Variants in KIAA0825 observed in about 807,000 individuals in gnomAD.
KIAA0825 encodes uncharacterized protein KIAA0825.
In KIAA0825, 119 loss-of-function variants were observed where a neutral mutation model predicts 147.6. The observed-to-expected ratio is 0.81, with a 90% CI of 0.69 to 0.94. The LOEUF (loss-of-function observed/expected upper bound fraction) is 0.94, where lower values mean the gene tolerates loss of function less well. Among genes scored for constraint, KIAA0825 ranks in the 40% least tolerant of loss-of-function variants. The pLI, the probability that KIAA0825 is intolerant of heterozygous loss-of-function variation, is 0.00. For missense variants in KIAA0825, 1,381 were observed against 1,472.7 expected, an observed-to-expected ratio of 0.94 and a Z score of 1.02; for synonymous variants, 470 against 518.1, an observed-to-expected ratio of 0.91 and a Z score of 1.26.
chr5:94,371,377 C>T (rs934783676), intron 20 of KIAA0825, among the ~76,000 whole-genome samples: 3 of 152,082 alleles, frequency 2.0e-5, no homozygotes, highest in South Asian at 2.1e-4. Context: ...TCCATTCTTA[C>T]GCTGCTATAG....
intron 5 of KIAA0825, among the ~76,000 whole-genome samples, chr5:94,505,722 A>G (rs1165850177): frequency 6.6e-6 from 1 of 152,236 alleles, no homozygotes; most frequent in Non-Finnish European, 1.5e-5. Context: ...GGTCAAATTA[A>G]TGATAAAGAT....
intron 20 of KIAA0825, among the ~76,000 whole-genome samples, chr5:94,369,749 T>G (rs1314485987): frequency 2.6e-5 from 4 of 152,186 alleles, no homozygotes; most frequent in Non-Finnish European, 5.9e-5. Context: ...AAGACTCGTA[T>G]ATAGACACGA....
chr5:94,589,401 C>T (rs1783934486), intron 1 of KIAA0825, among the ~76,000 whole-genome samples: 1 of 152,144 alleles, frequency 6.6e-6, no homozygotes, highest in African/African-American at 2.4e-5. Context: ...ATTGCCTTTC[C>T]ATATAATTTT....
intron 20 of KIAA0825, among the ~76,000 whole-genome samples, chr5:94,210,857 T>A (rs1772645998): frequency 6.6e-6 from 1 of 152,214 alleles, no homozygotes; most frequent in Non-Finnish European, 1.5e-5. Context: ...TGGAGTATAA[T>A]GACACGAGGC....
At chr5:94,281,948 T>C (rs1777488941) in intron 20 of KIAA0825, among the ~76,000 whole-genome samples, 1 of 152,126 alleles carries the variant, frequency 6.6e-6, no homozygotes, top group Admixed American at 6.6e-5. Context: ...TAATCAAGTA[T>C]TCCGCCAAGA....
At chr5:94,504,751 T>C (rs974084032) in intron 5 of KIAA0825, among the ~76,000 whole-genome samples, 19 of 128,594 alleles carry the variant, frequency 1.5e-4, no homozygotes, top group South Asian at 2.1e-4. Flanking sequence ...CTTTTCTTTT[T>C]TTTTTTTTTT....
chr5:94,163,494 A>T (rs1767759763), intron 20 of KIAA0825, among the ~76,000 whole-genome samples: 2 of 152,116 alleles, frequency 1.3e-5, no homozygotes, highest in African/African-American at 4.8e-5. Flanking sequence ...CTATCAGTTT[A>T]GGAGCTCCTC....
chr5:94,509,747 A>C (rs1766221556), intron 5 of KIAA0825, among the ~76,000 whole-genome samples: 1 of 152,236 alleles, frequency 6.6e-6, no homozygotes, highest in African/African-American at 2.4e-5. Context: ...CATTACATTT[A>C]ACTATTAAAT....
intron 20 of KIAA0825, among the ~76,000 whole-genome samples, chr5:94,334,779 C>T (rs1286234941): frequency 1.3e-5 from 2 of 152,134 alleles, no homozygotes; most frequent in African/African-American, 2.4e-5. Context: ...TCACCACACC[C>T]GGCCACAAAC....
At chr5:94,608,493 T>TATATATATTATATATATAA in intron 1 of KIAA0825, among the ~76,000 whole-genome samples, 1 of 64,308 alleles carries the variant, frequency 1.6e-5, no homozygotes, top group African/African-American at 6.7e-5. Context: ...ATATATATAA[T>TATATATATTATATATATAA]TATATATATA....
intron 2 of KIAA0825, among the ~76,000 whole-genome samples, chr5:94,544,353 A>T (rs1434567554): frequency 6.6e-6 from 1 of 152,246 alleles, no homozygotes; most frequent in East Asian, 1.9e-4. Context: ...AGAAGGGGCT[A>T]AACTATTTGG....
At chr5:94,536,887 T>A (rs1772138337) in intron 3 of KIAA0825, 109 bp downstream of exon 3, 1 of 712,864 alleles carries the variant, frequency 1.4e-6, no homozygotes. Context: ...GGAAAGTTAA[T>A]GATAATTAAA....
chr5:94,497,616 A>C (rs1443892262), intron 5 of KIAA0825, among the ~76,000 whole-genome samples: 1 of 152,204 alleles, frequency 6.6e-6, no homozygotes, highest in Admixed American at 6.5e-5. Flanking sequence ...CCAGGACTTG[A>C]ATGGCTCTAT....
intron 1 of KIAA0825, among the ~76,000 whole-genome samples, 185 bp from the exon 2 acceptor site, chr5:94,582,768 A>G (rs1782445629): frequency 6.6e-6 from 1 of 152,218 alleles, no homozygotes; most frequent in African/African-American, 2.4e-5. Flanking sequence ...AGAAAAGCTT[A>G]TTAATAAGAT....
intron 20 of KIAA0825, among the ~76,000 whole-genome samples, chr5:94,250,577 C>T (rs147922833): frequency 8.5e-5 from 13 of 152,110 alleles, no homozygotes; most frequent in East Asian, 3.9e-4. Flanking sequence ...TTGAATTAAC[C>T]GGAAGCTCAT....
intron 5 of KIAA0825, among the ~76,000 whole-genome samples, chr5:94,501,629 T>C (rs1765101185): frequency 1.3e-5 from 2 of 152,242 alleles, no homozygotes; most frequent in African/African-American, 4.8e-5. Context: ...CACAGGGATT[T>C]CAACCCATTT....
intron 20 of KIAA0825, among the ~76,000 whole-genome samples, chr5:94,354,298 C>T (rs1784016152): frequency 6.6e-6 from 1 of 152,116 alleles, no homozygotes; most frequent in South Asian, 2.1e-4. Flanking sequence ...CTTGTCATAA[C>T]CTCCCATCCT....
intron 20 of KIAA0825, among the ~76,000 whole-genome samples, chr5:94,340,153 T>C (rs774658033): frequency 1.3e-5 from 2 of 152,144 alleles, no homozygotes; most frequent in African/African-American, 4.8e-5. Context: ...AGGATCCTCT[T>C]GGATACCAAA....
At chr5:94,478,474 C>CAG (rs1469451283) in intron 6 of KIAA0825, among the ~76,000 whole-genome samples, 1 of 151,842 alleles carries the variant, frequency 6.6e-6, no homozygotes, top group East Asian at 1.9e-4. Context: ...CACACACACA[C>CAG]ACACACACAA....
Sources: allele counts gnomAD v4.1 joint callset (sites outside exome capture counted in the v4.1 genomes callset), GRCh38; gene constraint gnomAD v4.1.1; transcripts MANE v1.5; gene names NCBI Gene and HGNC (gene_info 2026-07-23, HGNC 2026-07-21).